Variants in RHOD observed in about 807,000 individuals in gnomAD.
The protein encoded by RHOD is rho-related GTP-binding protein RhoD.
RHOD carries 11 observed loss-of-function variants against 16.7 expected under a neutral mutation model. The ratio of observed to expected loss-of-function variants is 0.66; its 90% confidence interval spans 0.41 to 1.09. The LOEUF (loss-of-function observed/expected upper bound fraction) is 1.09. Among genes scored for constraint, RHOD ranks in the 50% least tolerant of loss-of-function variants. The pLI, the probability that RHOD is intolerant of heterozygous loss-of-function variation, is 0.00. For missense variants in RHOD, 271 were observed against 291.7 expected (o/e 0.93, Z 0.52); for synonymous variants, 124 against 126.3 (o/e 0.98, Z 0.12).
At chr11:67,057,688 C>T (rs1854830751) in intron 1 of RHOD, among the ~76,000 whole-genome samples, 1 of 152,252 alleles carries the variant, frequency 6.6e-6, no homozygotes, top group African/African-American at 2.4e-5. Flanking sequence ...CTCTGCTCTC[C>T]TCTGAGCCCC....
At chr11:67,057,993 T>TTTTTTA (rs1158864046) in intron 1 of RHOD, among the ~76,000 whole-genome samples, 1 of 152,174 alleles carries the variant, frequency 6.6e-6, no homozygotes, top group Non-Finnish European at 1.5e-5. Context: ...TCTCTTCTTT[T>TTTTTTA]TTTTTATTTT....
rs1002138758 is a variant in RHOD, at chr11:67,057,046, G to A, written c.132+12G>A. ...GGGCCTTCCCCGAGGTGAGTGCCCC[G>A]CGCCTCCGCCTCGCCCGGTTCCGCT... On this transcript the variant is annotated intron_variant, in intron 1 of 4. Coordinates refer to ENST00000308831, the MANE Select transcript of RHOD (RefSeq NM_014578.4). 3 of 1,447,080 alleles carry A rather than the reference G, an allele frequency of 2.1e-6. No individual in the cohort carries two copies. The South Asian group carries it at 4.3e-5, about 21-fold the overall frequency. The allele number at this position is 1,447,080 out of a possible 1,614,324, so 89.6% of individuals were successfully genotyped here.
intron 1 of RHOD, 117 bp from the exon 2 acceptor site, chr11:67,065,779 C>A: frequency 1.5e-6 from 1 of 667,172 alleles, no homozygotes; most frequent in Non-Finnish European, 2.6e-6. Context: ...GAGGAGGCTT[C>A]TCACAAACAA....
intron 1 of RHOD, among the ~76,000 whole-genome samples, chr11:67,058,666 G>A (rs1350631554): frequency 6.6e-6 from 1 of 152,112 alleles, no homozygotes; most frequent in Admixed American, 6.5e-5. Context: ...TATAGGTGCT[G>A]GAGCATCTGA....
In RHOD at chr11:67,071,643, G is replaced by T. The variant is rs767665386; in HGVS notation, c.*41G>T. On this transcript the variant is annotated 3_prime_UTR_variant, in exon 5 of 5. Coordinates refer to ENST00000308831, the MANE Select transcript of RHOD (RefSeq NM_014578.4). ...CCAGCGACGCGGGAAGGGGCAGGGCGCTGACCTGCTGCTGAGCTGGCTGGG... is the reference window on the plus strand; with the variant it reads ...CCAGCGACGCGGGAAGGGGCAGGGCTCTGACCTGCTGCTGAGCTGGCTGGG... 1 of 1,517,390 alleles carries T rather than the reference G, an allele frequency of 6.6e-7. No individual in the cohort carries two copies. Among genetic ancestry groups the T allele is most frequent in the African/African-American group, 1.4e-5 (1 of 72,362 alleles). The allele number at this position is 1,517,390 out of a possible 1,614,324, so 94.0% of individuals were successfully genotyped here. A position where few individuals can be genotyped will look rare whatever the true frequency, so the allele number is the denominator to read the frequency against.
At chr11:67,065,569 A>G (rs1377311536) in intron 1 of RHOD, among the ~76,000 whole-genome samples, 1 of 151,956 alleles carries the variant, frequency 6.6e-6, no homozygotes, top group Non-Finnish European at 1.5e-5. Flanking sequence ...CGGTTTCACC[A>G]TGTTGGCCAG....
At chr11:67,069,500 A>T (rs1185168748) in intron 3 of RHOD, among the ~76,000 whole-genome samples, 1 of 151,454 alleles carries the variant, frequency 6.6e-6, no homozygotes, top group Non-Finnish European at 1.5e-5. Context: ...CTGGGACTAC[A>T]GGTGCACGCC....
rs1854817559 is a variant in RHOD at position 67,056,874 on chromosome 11, C to G, written c.-29C>G. The G allele has an allele frequency of 7.3e-7, 1 of 1,365,660 alleles. No individual in the cohort carries two copies. Among genetic ancestry groups the G allele is most frequent in the Non-Finnish European group, 9.3e-7 (1 of 1,071,102 alleles). 84.6% of individuals were successfully genotyped at this position (1,365,660 alleles called of 1,614,324 possible). A position where few individuals can be genotyped will look rare whatever the true frequency, so the allele number is the denominator to read the frequency against. On this transcript the variant is annotated 5_prime_UTR_variant, in exon 1 of 5. Transcript: ENST00000308831. ...TCTGGGTCTCTGCGCCGCAGCCGCC[C>G]GCCCGCCCGCTCAGCGCCCGGCCCC...
At chr11:67,069,228 C>G (rs932735008) in intron 3 of RHOD, among the ~76,000 whole-genome samples, 1 of 152,346 alleles carries the variant, frequency 6.6e-6, no homozygotes, top group South Asian at 2.1e-4. Flanking sequence ...CCGGGATCCC[C>G]GGCTCCCCAG....
intron 1 of RHOD, among the ~76,000 whole-genome samples, chr11:67,060,464 A>G (rs1373837086): frequency 1.3e-5 from 2 of 152,336 alleles, no homozygotes; most frequent in East Asian, 3.9e-4. Context: ...CAGAGTCTCT[A>G]GGATGACGTC....
chr11:67,061,844 G>GTATATA (rs1197866161), intron 1 of RHOD, among the ~76,000 whole-genome samples: 1 of 140,676 alleles, frequency 7.1e-6, no homozygotes, highest in Admixed American at 7.4e-5. Context: ...GTGTGTGTGT[G>GTATATA]TATATATATA....
At chr11:67,057,232 G>C (rs996154665) in intron 1 of RHOD, among the ~76,000 whole-genome samples, 198 bp downstream of exon 1, 2 of 152,234 alleles carry the variant, frequency 1.3e-5, no homozygotes, top group Non-Finnish European at 2.9e-5. Context: ...AAAGCCGGAG[G>C]AATGGCATCC....
chr11:67,057,769 A>G (rs2136244001), intron 1 of RHOD, among the ~76,000 whole-genome samples: 1 of 152,210 alleles, frequency 6.6e-6, no homozygotes, highest in Admixed American at 6.5e-5. Context: ...GGGTAGAGGG[A>G]CTGTAGGGCA....
At chr11:67,057,156 T>TG in intron 1 of RHOD, 122 bp downstream of exon 1, 2 of 1,213,238 alleles carry the variant, frequency 1.6e-6, no homozygotes, top group Non-Finnish European at 2.1e-6. Flanking sequence ...CAGCGGGGCC[T>TG]GGGGTCCAGG....
Position 67,056,927 on chromosome 11 carries a change from G to T in RHOD, c.25G>T (p.Glu9Ter). 1 of 1,475,650 alleles carries T rather than the reference G, an allele frequency of 6.8e-7. No individual in the cohort carries two copies. The highest frequency in any genetic ancestry group is 8.9e-7 in the Non-Finnish European group (1 of 1,121,874). The allele number at this position is 1,475,650 out of a possible 1,614,324, so 91.4% of individuals were successfully genotyped here. Residue 9 changes from glutamate to a stop codon, truncating the protein, a stop_gained, in exon 1 of 5, where the codon GAG (glutamate) becomes TAG (stop). Transcript: ENST00000308831. LOFTEE classifies it high-confidence loss of function. ...GATGACGGCGGCCCAGGCCGCGGGT[G>T]AGGAGGCGCCACCAGGCGTGCGGTC... Reference protein sequence around the residue: MTAAQAAGEEAPPGVRSVK... With the variant: MTAAQAAG
chr11:67,059,243 A>G (rs1854856866), intron 1 of RHOD, among the ~76,000 whole-genome samples: 1 of 152,150 alleles, frequency 6.6e-6, no homozygotes, highest in African/African-American at 2.4e-5. Context: ...CTCTTCATTT[A>G]AAGAACCCAC....
At chr11:67,065,824 CTGTGGACAGACCAAGTCCCCAG>C in intron 1 of RHOD, 50 bp from the exon 2 acceptor site, 3 of 988,838 alleles carry the variant, frequency 3.0e-6, no homozygotes, top group Non-Finnish European at 4.8e-6. Flanking sequence ...GGGAGCAGCG[CTGTGGACAGACCAAGTCCCCAG>C]TGCCTCTCCG....
At chr11:67,066,071 C>A in intron 2 of RHOD, 88 bp downstream of exon 2, 8 of 1,074,478 alleles carry the variant, frequency 7.4e-6, no homozygotes, top group Non-Finnish European at 1.1e-5. Flanking sequence ...CCTTCTGAAC[C>A]AGGGAGGCCA....
chr11:67,066,637 C>T (rs1322531546), intron 2 of RHOD, 101 bp from the exon 3 acceptor site: 8 of 829,690 alleles, frequency 9.6e-6, no homozygotes, highest in Non-Finnish European at 6.2e-6. Flanking sequence ...TAGGCCCTGT[C>T]CCCAGAAGCT....
Sources: allele counts gnomAD v4.1 joint callset (sites outside exome capture counted in the v4.1 genomes callset), GRCh38; gene constraint gnomAD v4.1.1; transcripts MANE v1.5; gene names NCBI Gene and HGNC (gene_info 2026-07-23, HGNC 2026-07-21).